The following SMARCA2 variants were observed in gnomAD, a reference collection of about 807,000 sequenced individuals.
SMARCA2 encodes SWI/SNF-related matrix-associated actin-dependent regulator of chromatin subfamily A member 2.
A neutral mutation model predicts 199.8 loss-of-function variants in SMARCA2; 61 were observed. That is an observed-to-expected ratio of 0.31 (90% CI 0.25 to 0.38). The LOEUF (loss-of-function observed/expected upper bound fraction) is 0.38. Ranked by LOEUF, SMARCA2 falls within the 10% of genes least tolerant of loss-of-function variation. The pLI, the probability that SMARCA2 is intolerant of heterozygous loss-of-function variation, is 1.00. For missense variants in SMARCA2, 1,344 were observed against 2,012.2 expected, an observed-to-expected ratio of 0.67 and a Z score of 6.35; for synonymous variants, 935 against 732.0, an observed-to-expected ratio of 1.28 and a Z score of -4.48.
intron 10 of SMARCA2, among the ~76,000 whole-genome samples, chr9:2,072,738 G>T (rs1294631603): frequency 6.6e-6 from 1 of 152,208 alleles, no homozygotes; most frequent in Non-Finnish European, 1.5e-5. Flanking sequence ...ATAGGATACT[G>T]GGCAACTCAT....
intron 24 of SMARCA2, among the ~76,000 whole-genome samples, chr9:2,111,441 A>G (rs548368655): frequency 6.7e-5 from 10 of 149,240 alleles, no homozygotes; most frequent in Non-Finnish European, 5.9e-5. Context: ...ATAGTGAGCC[A>G]TGATCGTACC....
chr9:2,171,630 T>C (rs1457524744), intron 29 of SMARCA2, among the ~76,000 whole-genome samples: 1 of 152,234 alleles, frequency 6.6e-6, no homozygotes, highest in Admixed American at 6.5e-5. Context: ...TTTGCCATTA[T>C]GAGAAAGAAC....
chr9:2,025,948 T>G (rs1818809748), intron 1 of SMARCA2, among the ~76,000 whole-genome samples: 2 of 152,132 alleles, frequency 1.3e-5, no homozygotes, highest in African/African-American at 4.8e-5. Flanking sequence ...TAATGGACTT[T>G]CCAACACACA....
At chr9:2,020,369 C>T (rs117976102) in intron 1 of SMARCA2, among the ~76,000 whole-genome samples, 6 of 152,104 alleles carry the variant, frequency 3.9e-5, no homozygotes, top group African/African-American at 1.2e-4. Flanking sequence ...AACCTTTAGC[C>T]GGTTAATAAA....
chr9:2,029,259 T>C lies in SMARCA2; in HGVS notation c.225+12T>C, dbSNP rs770138195. 35 of 1,602,266 alleles carry C rather than the reference T, an allele frequency of 2.2e-5. No homozygotes were observed. Among genetic ancestry groups the C allele is most frequent in the Non-Finnish European group, 3.0e-5 (35 of 1,173,224 alleles). On this transcript the variant is annotated intron_variant, in intron 2 of 33. Coordinates refer to ENST00000349721, the MANE Select transcript of SMARCA2 (RefSeq NM_003070.5). ...ATCAAATGCATAAGGTAAGAGTTTGTTCTCCCATTCAAACTCAACTTCTGA... is the reference window on the plus strand; with the variant it reads ...ATCAAATGCATAAGGTAAGAGTTTGCTCTCCCATTCAAACTCAACTTCTGA...
At chr9:2,048,134 G>A (rs1455411460) in intron 5 of SMARCA2, among the ~76,000 whole-genome samples, 1 of 152,124 alleles carries the variant, frequency 6.6e-6, no homozygotes, top group South Asian at 2.1e-4. Context: ...ACAATAATGG[G>A]CTGGCTGCCT....
intron 27 of SMARCA2, among the ~76,000 whole-genome samples, chr9:2,130,574 C>G (rs749168297): frequency 6.6e-6 from 1 of 152,200 alleles, no homozygotes; most frequent in Non-Finnish European, 1.5e-5. Context: ...AGAATATTAA[C>G]ATGGTTAACA....
chr9:2,056,912 G>C lies in SMARCA2; in HGVS notation c.1347+67G>C. The C allele has an allele frequency of 6.9e-7, 1 of 1,456,690 alleles. No homozygotes were observed. The highest frequency in any genetic ancestry group is 9.4e-7 in the Non-Finnish European group (1 of 1,066,912). The allele number at this position is 1,456,690 out of a possible 1,614,324, so 90.2% of individuals were successfully genotyped here. On this transcript the variant is annotated intron_variant, in intron 7 of 33. Transcript: ENST00000349721. This position sits in a 1 kb window ranked among gnomAD's most constrained non-coding sequence, Gnocchi z 4.0. ...GCTGTCCAATGAATTCATCAAATGG[G>C]GTCAGAATGACTGAAAAATGGACCC...
chr9:2,170,058 CAGAT>C lies in SMARCA2; in HGVS notation c.4200-357_4200-354del, dbSNP rs1826162905. The stretch of plus-strand genomic sequence containing the variant: ...CATTTTACAAATGAGGGGCTAAACT[CAGAT>C]AGACTAGCACTACCTTCCCAAGATC... On this transcript the variant is annotated intron_variant, in intron 28 of 33. Transcript: ENST00000349721. This position sits in a 1 kb window ranked among gnomAD's most constrained non-coding sequence, Gnocchi z 4.7. Among the ~76,000 whole-genome samples, 1 of 152,144 alleles carries C rather than the reference CAGAT, an allele frequency of 6.6e-6. No individual in the cohort carries two copies. The highest frequency in any genetic ancestry group is 1.9e-4 in the East Asian group (1 of 5,196).
At chr9:2,130,180 T>C (rs557406150) in intron 27 of SMARCA2, among the ~76,000 whole-genome samples, 14 of 152,126 alleles carry the variant, frequency 9.2e-5, no homozygotes, top group Non-Finnish European at 1.6e-4. Flanking sequence ...ATATAATAGG[T>C]AGTAATATAT....
chr9:2,076,576 C>G (rs1409512849), intron 13 of SMARCA2, among the ~76,000 whole-genome samples: 1 of 151,836 alleles, frequency 6.6e-6, no homozygotes, highest in East Asian at 1.9e-4. Context: ...TTACCCTTCT[C>G]TCTCCTTAAT....
At chr9:2,131,288 G>A (rs1586736563) in intron 27 of SMARCA2, among the ~76,000 whole-genome samples, 1 of 152,062 alleles carries the variant, frequency 6.6e-6, no homozygotes, top group Non-Finnish European at 1.5e-5. Flanking sequence ...CTTTCTTACG[G>A]CATCATATAT....
rs1822655374 is a variant in SMARCA2, at chr9:2,104,232, T to C, written c.3292+63T>C. 7.0e-7 allele frequency: 1 copy of C among 1,428,718 alleles called. No individual in the cohort carries two copies. The highest frequency in any genetic ancestry group is 1.4e-5 in the African/African-American group (1 of 70,756). The allele number at this position is 1,428,718 out of a possible 1,614,324, so 88.5% of individuals were successfully genotyped here. A position where few individuals can be genotyped will look rare whatever the true frequency, so the allele number is the denominator to read the frequency against. ...CTGAAAATGAAGGGATAATGGGCAC[T>C]TAGGTCCAATCTCAGCCAAAAAGAA... On this transcript the variant is annotated intron_variant, in intron 23 of 33. Coordinates refer to ENST00000349721, the MANE Select transcript of SMARCA2 (RefSeq NM_003070.5). The surrounding 1 kb of genome is among the most constrained non-coding windows in gnomAD (Gnocchi z 4.0).
intron 32 of SMARCA2, among the ~76,000 whole-genome samples, chr9:2,187,761 C>CAAAGTAAAGTACTAAAACCTAT (rs1554645516): frequency 6.6e-6 from 1 of 151,952 alleles, no homozygotes; most frequent in Non-Finnish European, 1.5e-5. Context: ...GTATACCTCT[C>CAAAGTAAAGTACTAAAACCTAT]AAAGTAAAGT....
chr9:2,166,935 A>G (rs1007818074), intron 28 of SMARCA2, among the ~76,000 whole-genome samples: 1 of 152,208 alleles, frequency 6.6e-6, no homozygotes, highest in African/African-American at 2.4e-5. Context: ...TTAGCTTGCC[A>G]TGGCTTTTTC....
At chr9:2,122,570 A>G (rs1008566385) in intron 26 of SMARCA2, among the ~76,000 whole-genome samples, 2 of 152,246 alleles carry the variant, frequency 1.3e-5, no homozygotes, top group Non-Finnish European at 2.9e-5. Context: ...AGCCTACCAG[A>G]TTCTGGAAAT....
At chr9:2,101,644 A>T in intron 22 of SMARCA2, 28 bp downstream of exon 22, 1 of 1,286,492 alleles carries the variant, frequency 7.8e-7, no homozygotes, top group Non-Finnish European at 1.1e-6. Flanking sequence ...TTTTCTTTTA[A>T]AAAAAAATGT....
At chr9:2,019,496 CAAA>C (rs57704949) in intron 1 of SMARCA2, among the ~76,000 whole-genome samples, 235 of 81,824 alleles carry the variant, frequency 2.9e-3, no homozygotes, top group Middle Eastern at 8.3e-3. Context: ...TTAGAATTGA[CAAA>C]AAAAAAAAAA....
Position 2,104,039 on chromosome 9 carries a change from G to T in SMARCA2, c.3162G>T (p.Leu1054=). The change falls in exon 23 of 34, where the codon CTG becomes CTT. Residue 1054 remains leucine, a synonymous_variant. Coordinates refer to ENST00000349721, the MANE Select transcript of SMARCA2 (RefSeq NM_003070.5). This position sits in a 1 kb window ranked among gnomAD's most constrained non-coding sequence, Gnocchi z 4.0. ...ELYRASGKFE[L]LDRILPKLRA... is the part of the protein sequence containing the mutation. ...ATCGGGCCTCAGGGAAGTTTGAGCT[G>T]CTTGATCGTATTCTGCCAAAATTGA... 1 of 1,614,088 alleles carries T rather than the reference G, an allele frequency of 6.2e-7. No individual in the cohort carries two copies. Among genetic ancestry groups the T allele is most frequent in the Non-Finnish European group, 8.5e-7 (1 of 1,179,988 alleles).
Sources: gnomAD v4.1 joint callset for allele counts (sites outside exome capture counted in the v4.1 genomes callset) on GRCh38, gnomAD v4.1.1 for gene constraint, Gnocchi (gnomAD v3.1) non-coding constraint, MANE v1.5 for transcripts, NCBI Gene and HGNC (gene_info 2026-07-23, HGNC 2026-07-21) for gene names.